Variants in PTGER4 observed in about 807,000 individuals in gnomAD.
The protein encoded by PTGER4 is prostaglandin E2 receptor EP4 subtype.
Under a neutral mutation model 33.2 loss-of-function variants are expected in PTGER4, and 11 were observed. The observed-to-expected ratio is 0.33, with a 90% confidence interval of 0.21 to 0.55. PTGER4 has a LOEUF of 0.55. PTGER4 is among the 20% of genes least tolerant of loss of function. The pLI is 0.92. For synonymous variants in PTGER4, 275 were observed against 281.5 expected, an observed-to-expected ratio of 0.98 and a Z score of 0.23; for missense variants, 481 against 650.2, an observed-to-expected ratio of 0.74 and a Z score of 2.83.
Position 40,692,023 on chromosome 5 carries a change from C to G in PTGER4, c.1112C>G (p.Ser371Cys), listed in dbSNP as rs1035366743. The G allele has an allele frequency of 4.5e-5, 72 of 1,614,120 alleles. No individual in the cohort carries two copies. The highest frequency in any genetic ancestry group is 5.5e-5 in the Non-Finnish European group (65 of 1,180,046). Residue 371 changes from serine to cysteine, a missense_variant, in exon 3 of 3, where the codon TCT (serine) becomes TGT (cysteine). Ser to Cys is a moderately radical substitution (Grantham distance 112). Transcript: ENST00000302472. ...QHCSDSQRTS[S>C]AMSGHSRSFI... ...TGCTCAGACAGTCAAAGGACATCTT[C>G]TGCCATGTCAGGCCACTCTCGCTCC...
the PTGER4 span, among the ~76,000 whole-genome samples, chr5:40,743,390 T>C: frequency 6.6e-6 from 1 of 152,180 alleles, no homozygotes; most frequent in Non-Finnish European, 1.5e-5. Flanking sequence ...TAAGATGAAG[T>C]TGATTTGGTA....
chr5:40,692,341 C>T lies in PTGER4; in HGVS notation c.1430C>T (p.Pro477Leu), dbSNP rs1741495910. 6.2e-7 allele frequency: 1 copy of T among 1,607,518 alleles called. No individual in the cohort carries two copies. The highest frequency in any genetic ancestry group is 1.3e-5 in the African/African-American group (1 of 74,586). Residue 477 changes from proline (P) to leucine (L), a missense_variant, in exon 3 of 3, where the codon CCC becomes CTC. This residue lies in a region of PTGER4 where 172 missense variants were observed against 199.2 expected (regional missense o/e 0.86). Coordinates refer to ENST00000302472, the MANE Select transcript of PTGER4 (RefSeq NM_000958.3). ...PKGSSLQVTFPSETLNLSEKC... is the reference protein window; with the variant it reads ...PKGSSLQVTFLSETLNLSEKC... ...GGGAGCTCCCTGCAAGTCACATTTC[C>T]CAGTGAAACACTGAACTTATCAGAA...
At chr5:40,730,163 G>C in the PTGER4 span, 1 of 876,998 alleles carries the variant, frequency 1.1e-6, no homozygotes, top group Non-Finnish European at 1.8e-6. Context: ...ATTTGTAAAA[G>C]AAAATGGGAG....
chr5:40,734,627 C>A, the PTGER4 span, among the ~76,000 whole-genome samples: 6 of 152,204 alleles, frequency 3.9e-5, no homozygotes, highest in Non-Finnish European at 5.9e-5. Context: ...AGCTACTTTA[C>A]TCCCAATTAG....
chr5:40,723,506 T>A, the PTGER4 span, among the ~76,000 whole-genome samples: 4 of 98,694 alleles, frequency 4.1e-5, no homozygotes, highest in African/African-American at 3.9e-5. Context: ...AAAAGCTAAC[T>A]CAAATTAAAA....
At chr5:40,742,177 G>T in the PTGER4 span, among the ~76,000 whole-genome samples, 4 of 151,890 alleles carry the variant, frequency 2.6e-5, no homozygotes, top group Admixed American at 2.6e-4. Context: ...CTCTCTCATG[G>T]CTGTCAGTAG....
At chr5:40,721,000 C>T in the PTGER4 span, among the ~76,000 whole-genome samples, 1 of 152,092 alleles carries the variant, frequency 6.6e-6, no homozygotes, top group African/African-American at 2.4e-5. Context: ...CCAGAGATAA[C>T]GGAGGTTTGG....
chr5:40,739,944 T>A, the PTGER4 span, among the ~76,000 whole-genome samples: 32,960 of 151,936 alleles, frequency 0.22, 3,716 homozygotes, highest in East Asian at 0.32. Context: ...TGCTTTTTTT[T>A]AAAAATAAAG....
chr5:40,729,147 CTT>C, the PTGER4 span, among the ~76,000 whole-genome samples: 1 of 152,108 alleles, frequency 6.6e-6, no homozygotes, highest in Non-Finnish European at 1.5e-5. Flanking sequence ...CTTCATAAAG[CTT>C]GCCACAAACC....
chr5:40,735,820 A>G, the PTGER4 span, among the ~76,000 whole-genome samples: 3 of 152,194 alleles, frequency 2.0e-5, no homozygotes, highest in African/African-American at 7.2e-5. Flanking sequence ...ATGACAACAG[A>G]GAAGTGATGA....
At chr5:40,726,789 T>C in the PTGER4 span, among the ~76,000 whole-genome samples, 1 of 152,138 alleles carries the variant, frequency 6.6e-6, no homozygotes, top group African/African-American at 2.4e-5. Context: ...CCATAGACAC[T>C]ATTGGCAAAA....
chr5:40,724,853 A>AT, the PTGER4 span, among the ~76,000 whole-genome samples: 1,417 of 138,140 alleles, frequency 0.01, 9 homozygotes, highest in Non-Finnish European at 0.012. Context: ...TTACAAGTGG[A>AT]TTTTTTTTTT....
chr5:40,745,965 G>A, the PTGER4 span, among the ~76,000 whole-genome samples: 2 of 152,050 alleles, frequency 1.3e-5, no homozygotes, highest in Non-Finnish European at 2.9e-5. Flanking sequence ...TTCCACCATA[G>A]ATTAGAGATA....
Position 40,680,971 on chromosome 5 carries a change from G to A in PTGER4, c.-23G>A. On this transcript the variant is annotated 5_prime_UTR_variant, in exon 2 of 3. Transcript: ENST00000302472. The surrounding 1 kb of genome is among the most constrained non-coding windows in gnomAD (Gnocchi z 5.5). ...CCCAGACCCAGCCTTGCACTCCAAG[G>A]CTGCGCACCGCCAGCCACTATCATG... 6.3e-7 allele frequency: 1 copy of A among 1,587,842 alleles called. No homozygotes were observed. Among genetic ancestry groups the A allele is most frequent in the Non-Finnish European group, 8.6e-7 (1 of 1,166,636 alleles).
chr5:40,705,718 T>TA, the PTGER4 span, among the ~76,000 whole-genome samples: 1 of 151,922 alleles, frequency 6.6e-6, no homozygotes, highest in Non-Finnish European at 1.5e-5. Flanking sequence ...AAAAAGCATA[T>TA]AAAAAAAGCT....
chr5:40,688,115 A>G (rs922258956), intron 2 of PTGER4, among the ~76,000 whole-genome samples: 2 of 152,238 alleles, frequency 1.3e-5, no homozygotes, highest in African/African-American at 2.4e-5. Context: ...TTCCATTTTA[A>G]CTATTCAAAA....
chr5:40,688,223 G>A lies in PTGER4; in HGVS notation c.868-3556G>A, dbSNP rs45446993. 9.5e-3 allele frequency among the ~76,000 whole-genome samples: 1,450 copies of A among 152,196 alleles called. 26 individuals carry two copies. Among genetic ancestry groups the A allele is most frequent in the African/African-American group, 0.033 (1,361 of 41,502 alleles). On this transcript the variant is annotated intron_variant, in intron 2 of 2. Transcript: ENST00000302472. Reference sequence around the variant, plus strand: ...TTTCAGTGTCAAAAATCTCAGAAACGTCAGGTTCAGACTTAACCAAAATTC... The same window carrying A: ...TTTCAGTGTCAAAAATCTCAGAAACATCAGGTTCAGACTTAACCAAAATTC...
the PTGER4 span, among the ~76,000 whole-genome samples, chr5:40,740,418 G>A: frequency 1.3e-5 from 2 of 151,880 alleles, no homozygotes; most frequent in African/African-American, 2.4e-5. Context: ...ATAATACAAA[G>A]AATTCTAAGT....
the PTGER4 span, among the ~76,000 whole-genome samples, chr5:40,730,957 T>A: frequency 2.6e-5 from 4 of 152,174 alleles, no homozygotes; most frequent in Admixed American, 6.5e-5. Flanking sequence ...TGTGGTGCCA[T>A]CATCTACTAA....
Sources: gnomAD v4.1 joint callset for allele counts (sites outside exome capture counted in the v4.1 genomes callset) on GRCh38, gnomAD v4.1.1 for gene constraint, gnomAD v4.1.1 regional missense constraint, Gnocchi (gnomAD v3.1) non-coding constraint, MANE v1.5 for transcripts, NCBI Gene and HGNC (gene_info 2026-07-23, HGNC 2026-07-21) for gene names.